ZNF562: variants seen among roughly 807,000 people sequenced by gnomAD.
ZNF562 encodes the protein zinc finger protein 562.
In ZNF562, 13 loss-of-function variants were observed where a neutral mutation model predicts 17.5. The ratio of observed to expected loss-of-function variants is 0.74; its 90% CI spans 0.48 to 1.18. The LOEUF is 1.18. ZNF562 is among the 50% of genes most tolerant of loss of function. The pLI is 0.00. For missense variants in ZNF562, 481 were observed against 498.5 expected (o/e 0.96, Z 0.33); for synonymous variants, 163 against 165.4 (o/e 0.99, Z 0.11).
chr19:9,673,133 C>G (rs2044261374), intron 1 of ZNF562, among the ~76,000 whole-genome samples: 1 of 152,128 alleles, frequency 6.6e-6, no homozygotes, highest in African/African-American at 2.4e-5. Flanking sequence ...ATCCCACCAT[C>G]ATGACTCACA....
At chr19:9,664,786 G>A (rs1460992730) in intron 1 of ZNF562, among the ~76,000 whole-genome samples, 1 of 152,108 alleles carries the variant, frequency 6.6e-6, no homozygotes, top group East Asian at 1.9e-4. Context: ...AGCACTCTGG[G>A]AGGCCAAGGC....
chr19:9,674,663 C>G (rs978704206), intron 1 of ZNF562: 1 of 152,302 alleles, frequency 6.6e-6, no homozygotes, highest in South Asian at 2.1e-4. Context: ...AGGTTCCAGA[C>G]GCGGGAGAAT....
At position 9,653,227 on chromosome 19, in the gene ZNF562, C is replaced by G; in HGVS notation, c.1003G>C (p.Val335Leu). ...FTRSTHLTQHVRTHTGIKPYE... is the reference protein window; with the variant it reads ...FTRSTHLTQHLRTHTGIKPYE... ...GGTTTTATTCCAGTGTGAGTTCTTA[C>G]ATGTTGAGTAAGGTGAGTTGATCTA... The change falls in exon 6 of 6, where the codon GTA (valine) becomes CTA (leucine). Residue 335 changes from valine (V) to leucine (L), a missense_variant. Physicochemically the swap from Val to Leu is conservative, Grantham distance 32. This residue lies in a region of ZNF562 where 403 missense variants were observed against 386.4 expected (regional missense o/e 1.04). Transcript: ENST00000453372. The G allele has an allele frequency of 6.2e-7, 1 of 1,614,080 alleles. No individual in the cohort carries two copies. The highest frequency in any genetic ancestry group is 1.3e-5 in the African/African-American group (1 of 74,998).
chr19:9,659,251 G>T, intron 3 of ZNF562, 128 bp downstream of exon 3: 1 of 803,174 alleles, frequency 1.2e-6, no homozygotes, highest in Admixed American at 2.5e-5. Flanking sequence ...TTCACCTGGG[G>T]ATTCAGTCCT....
At position 9,652,883 on chromosome 19, in the gene ZNF562, TTCTC is replaced by T. The variant is rs2074891190; in HGVS notation, c.*62_*65del. 4.3e-6 allele frequency: 6 copies of T among 1,404,074 alleles called. No individual in the cohort carries two copies. In the East Asian group the frequency reaches 1.4e-4, roughly 34 times the overall value. The allele number at this position is 1,404,074 out of a possible 1,614,324, so 87.0% of individuals were successfully genotyped here. ...CCCAAATTCTTTACATACAAAAGGT[TTCTC>T]TCTGGTAGGAGTTCACAGGTGGGGT... On this transcript the variant is annotated 3_prime_UTR_variant, in exon 6 of 6. Transcript: ENST00000453372.
At chr19:9,658,256 A>G in intron 3 of ZNF562, 121 bp from the exon 4 acceptor site, 1 of 1,372,764 alleles carries the variant, frequency 7.3e-7, no homozygotes, top group South Asian at 2.1e-5. Flanking sequence ...CCCATGATCT[A>G]CTCCAGGGTT....
In ZNF562 at chr19:9,642,018, G is replaced by C. The variant is rs919427410; in HGVS notation, c.*10931C>G. Reference sequence around the variant, plus strand: ...GTTACAAAGTACATTCACAAGGGCGGGGAGGGTGTATCATCACAAGGGTGG... The same window carrying C: ...GTTACAAAGTACATTCACAAGGGCGCGGAGGGTGTATCATCACAAGGGTGG... On this transcript the variant is annotated 3_prime_UTR_variant, in exon 6 of 6. Coordinates refer to ENST00000453372, the MANE Select transcript of ZNF562 (RefSeq NM_001130031.2). 1 of 151,786 alleles carries C rather than the reference G, an allele frequency of 6.6e-6. No homozygotes were observed. Among genetic ancestry groups the C allele is most frequent in the African/African-American group, 2.4e-5 (1 of 41,298 alleles). The allele number at this position is 151,786 out of a possible 1,614,324, so 9.4% of individuals were successfully genotyped here. A position where few individuals can be genotyped will look rare whatever the true frequency, so the allele number is the denominator to read the frequency against.
At position 9,652,951 on chromosome 19, in the gene ZNF562, A is replaced by G; in HGVS notation, c.1279T>C (p.Ter427GlnextTer27). The change falls in exon 6 of 6, where the codon TAA becomes CAA. Residue 427 changes from the stop codon to glutamine (Q), a stop_lost. Coordinates refer to ENST00000453372, the MANE Select transcript of ZNF562 (RefSeq NM_001130031.2). Reference sequence around the variant, plus strand: ...ATTCTTTCCCACATATCTTGCATTTACCTTTCTCCACTGTGAGTTTTCAAA... The same window carrying G: ...ATTCTTTCCCACATATCTTGCATTTGCCTTTCTCCACTGTGAGTTTTCAAA... ...KHLKTHSGER[*>Q] is the part of the protein sequence containing the mutation. 3 of 1,485,246 alleles carry G rather than the reference A, an allele frequency of 2.0e-6. No homozygotes were observed. The highest frequency in any genetic ancestry group is 2.8e-5 in the African/African-American group (2 of 71,432). 92.0% of individuals were successfully genotyped at this position (1,485,246 alleles called of 1,614,324 possible).
At chr19:9,659,929 T>TAAAAAA (rs763657709) in intron 2 of ZNF562, among the ~76,000 whole-genome samples, 1 of 37,378 alleles carries the variant, frequency 2.7e-5, no homozygotes. Flanking sequence ...CCGTCTCTAC[T>TAAAAAA]AAAAAAAAAA....
rs371510458 is a variant in ZNF562, at chr19:9,647,122, G to A, written c.*5827C>T. On this transcript the variant is annotated 3_prime_UTR_variant, in exon 6 of 6. Transcript: ENST00000453372. Reference sequence around the variant, plus strand: ...TTTTGAGACGGATTCTCGCTCTGTCGTCAGGCTGGAGTGCAGTGGTGTGAT... The same window carrying A: ...TTTTGAGACGGATTCTCGCTCTGTCATCAGGCTGGAGTGCAGTGGTGTGAT... 10 of 137,844 alleles carry A rather than the reference G, an allele frequency of 7.3e-5. No individual in the cohort carries two copies. Among genetic ancestry groups the A allele is most frequent in the South Asian group, 2.3e-4 (1 of 4,302 alleles). 8.5% of individuals were successfully genotyped at this position (137,844 alleles called of 1,614,324 possible).
At position 9,642,508 on chromosome 19, in the gene ZNF562, C is replaced by G. The variant is rs571032355; in HGVS notation, c.*10441G>C. 2 of 152,132 alleles carry G rather than the reference C, an allele frequency of 1.3e-5. No homozygotes were observed. The highest frequency in any genetic ancestry group is 1.9e-4 in the East Asian group (1 of 5,176). 9.4% of individuals were successfully genotyped at this position (152,132 alleles called of 1,614,324 possible). ...CCTAGGCTGCCCTCAAACTCCTGAG[C>G]TCAAGCGATCATCCTTCCTTGGCCT... is the stretch of plus-strand genomic sequence containing the variant. On this transcript the variant is annotated 3_prime_UTR_variant, in exon 6 of 6. Transcript: ENST00000453372.
chr19:9,670,236 CA>C (rs200176791), intron 1 of ZNF562, among the ~76,000 whole-genome samples: 5 of 149,890 alleles, frequency 3.3e-5, no homozygotes, highest in African/African-American at 1.2e-4. Flanking sequence ...AAGACTATCT[CA>C]AAAAAAACAA....
intron 1 of ZNF562, chr19:9,674,650 G>C (rs1445013643): frequency 6.6e-6 from 1 of 152,204 alleles, no homozygotes; most frequent in South Asian, 2.1e-4. Flanking sequence ...TGCCGGAAGA[G>C]ATAGGTTCCA....
intron 1 of ZNF562, among the ~76,000 whole-genome samples, chr19:9,665,659 G>A (rs938135161): frequency 6.6e-6 from 1 of 152,168 alleles, no homozygotes; most frequent in African/African-American, 2.4e-5. Flanking sequence ...AATTCTGGAT[G>A]GGCAGTATTC....
chr19:9,654,441 T>C (rs1056761934), intron 5 of ZNF562, among the ~76,000 whole-genome samples: 1 of 152,118 alleles, frequency 6.6e-6, no homozygotes, highest in Non-Finnish European at 1.5e-5. Flanking sequence ...GAGGCATGCA[T>C]CATCCAATTT....
chr19:9,649,685 G>A lies in ZNF562; in HGVS notation c.*3264C>T, dbSNP rs575550665. 8.5e-5 allele frequency: 13 copies of A among 152,202 alleles called. No homozygotes were observed. The highest frequency in any genetic ancestry group is 7.7e-4 in the East Asian group (4 of 5,174). The allele number at this position is 152,202 out of a possible 1,614,324, so 9.4% of individuals were successfully genotyped here. On this transcript the variant is annotated 3_prime_UTR_variant, in exon 6 of 6. Coordinates refer to ENST00000453372, the MANE Select transcript of ZNF562 (RefSeq NM_001130031.2). ...AGTCAGACCAGTTGATCTCAAAACC[G>A]TCTCCTGATAAGATGTTATCAATGA... is the stretch of plus-strand genomic sequence containing the variant.
intron 1 of ZNF562, among the ~76,000 whole-genome samples, chr19:9,667,683 TG>T (rs2044000935): frequency 6.6e-6 from 1 of 152,100 alleles, no homozygotes; most frequent in South Asian, 2.1e-4. Flanking sequence ...CTTGGTCTCC[TG>T]GGCTCAAGTG....
chr19:9,674,447 G>T (rs556609837), intron 1 of ZNF562, among the ~76,000 whole-genome samples: 1 of 151,738 alleles, frequency 6.6e-6, no homozygotes, highest in African/African-American at 2.4e-5. Flanking sequence ...CCCGGGAGGT[G>T]AAAGTTGCAG....
In ZNF562 at chr19:9,653,372, C is replaced by A. The variant is rs2074903618; in HGVS notation, c.858G>T (p.Lys286Asn). The stretch of plus-strand genomic sequence containing the variant: ...TTCCACATTCTTTACATTCAAAGGA[C>A]TTCTCTCCTTTATGAGTTTTTGCAT... ...SAHAKTHKGE[K>N]SFECKECGRS... Residue 286 changes from lysine to asparagine, a missense_variant, in exon 6 of 6, where the codon AAG becomes AAT. By Grantham distance (94) the Lys-to-Asn change is moderately conservative. Transcript: ENST00000453372. The A allele has an allele frequency of 6.2e-7, 1 of 1,613,994 alleles. No individual in the cohort carries two copies. The highest frequency in any genetic ancestry group is 8.5e-7 in the Non-Finnish European group (1 of 1,180,010).
Sources: allele counts gnomAD v4.1 joint callset (sites outside exome capture counted in the v4.1 genomes callset), GRCh38; gene constraint gnomAD v4.1.1; regional missense constraint gnomAD v4.1.1; transcripts MANE v1.5; gene names NCBI Gene and HGNC (gene_info 2026-07-23, HGNC 2026-07-21).